Variants in CD80 observed in about 807,000 individuals in gnomAD.
CD80 encodes the protein T-lymphocyte activation antigen CD80.
Under a neutral mutation model 27.1 loss-of-function variants are expected in CD80, and 13 were observed. That is an observed-to-expected ratio of 0.48 (90% CI 0.31 to 0.76). CD80 has a LOEUF of 0.76. Ranked by LOEUF, CD80 falls within the 30% of genes least tolerant of loss-of-function variation. The pLI is 0.04. For missense variants in CD80, 277 were observed against 347.9 expected, an observed-to-expected ratio of 0.80 and a Z score of 1.62; for synonymous variants, 125 against 125.5, an observed-to-expected ratio of 1.00 and a Z score of 0.03.
At chr3:119,535,293 A>G (rs1320364456) in intron 4 of CD80, among the ~76,000 whole-genome samples, 2 of 152,202 alleles carry the variant, frequency 1.3e-5, no homozygotes, top group Admixed American at 6.5e-5. Flanking sequence ...CCACTTCGCA[A>G]CTACAAGTAA....
chr3:119,529,777 G>A (rs991345568), intron 5 of CD80, 65 bp downstream of exon 5: 5 of 1,137,722 alleles, frequency 4.4e-6, no homozygotes, highest in Non-Finnish European at 5.3e-6. Flanking sequence ...GAGAGATGCC[G>A]AACCATGGTA....
At position 119,544,754 on chromosome 3, in the gene CD80, T is replaced by C; in HGVS notation, c.214A>G (p.Met72Val). 6.2e-7 allele frequency: 1 copy of C among 1,614,182 alleles called. No individual in the cohort carries two copies. Among genetic ancestry groups the C allele is most frequent in the South Asian group, 1.1e-5 (1 of 91,082 alleles). ...TCCCCAGACATCATAGTCAGCACCATTTTCTTCTCCTTTTGCCAGTAGATG... is the reference window on the plus strand; with the variant it reads ...TCCCCAGACATCATAGTCAGCACCACTTTCTTCTCCTTTTGCCAGTAGATG... The part of the protein sequence containing the change: ...TRIYWQKEKK[M>V]VLTMMSGDMN... The change falls in exon 3 of 7, where the codon ATG (methionine) becomes GTG (valine). Residue 72 changes from methionine to valine, a missense_variant. Coordinates refer to ENST00000264246, the MANE Select transcript of CD80 (RefSeq NM_005191.4).
intron 3 of CD80, among the ~76,000 whole-genome samples, chr3:119,539,701 A>T (rs2107742993): frequency 6.6e-6 from 1 of 152,234 alleles, no homozygotes; most frequent in Admixed American, 6.5e-5. Flanking sequence ...CTTACACATA[A>T]AGAGATTAGC....
intron 2 of CD80, among the ~76,000 whole-genome samples, chr3:119,546,966 C>T (rs1007226020): frequency 3.9e-5 from 6 of 152,142 alleles, no homozygotes; most frequent in African/African-American, 1.4e-4. Flanking sequence ...ACTTCAGTGG[C>T]GTGGCACAGG....
intron 2 of CD80, among the ~76,000 whole-genome samples, chr3:119,546,042 T>C (rs573725054): frequency 6.6e-6 from 1 of 152,346 alleles, no homozygotes; most frequent in Non-Finnish European, 1.5e-5. Context: ...TTGAAAACAA[T>C]GAAGACAAAT....
intron 2 of CD80, among the ~76,000 whole-genome samples, chr3:119,556,052 C>T (rs960200407): frequency 5.3e-5 from 8 of 152,194 alleles, no homozygotes; most frequent in Non-Finnish European, 7.3e-5. Flanking sequence ...GCTTGTTCTA[C>T]ATGGGTTAGC....
chr3:119,547,905 C>T (rs781715866), intron 2 of CD80, among the ~76,000 whole-genome samples: 1 of 152,158 alleles, frequency 6.6e-6, no homozygotes, highest in Admixed American at 6.6e-5. Context: ...CTTCCAGTGA[C>T]GTTATCTTTC....
At chr3:119,539,999 G>T (rs936620349) in intron 3 of CD80, among the ~76,000 whole-genome samples, 4 of 152,148 alleles carry the variant, frequency 2.6e-5, no homozygotes, top group Admixed American at 2.0e-4. Flanking sequence ...TCACTCTGTT[G>T]CCCAGGCTGG....
chr3:119,527,625 G>A (rs2082074189), intron 6 of CD80, 108 bp downstream of exon 6: 2 of 609,792 alleles, frequency 3.3e-6, no homozygotes, highest in Admixed American at 2.9e-5. Flanking sequence ...ATCTGAAAGA[G>A]GTTTTTAAGA....
At chr3:119,537,934 G>C (rs534820962) in intron 3 of CD80, among the ~76,000 whole-genome samples, 1 of 152,224 alleles carries the variant, frequency 6.6e-6, no homozygotes, top group Non-Finnish European at 1.5e-5. Flanking sequence ...TGCCACTTTT[G>C]ATGGAGATAG....
At position 119,544,667 on chromosome 3, in the gene CD80, T is replaced by C. The variant is rs781001516; in HGVS notation, c.301A>G (p.Ile101Val). 7.4e-6 allele frequency: 12 copies of C among 1,614,138 alleles called. No individual in the cohort carries two copies. Among genetic ancestry groups the C allele is most frequent in the Non-Finnish European group, 9.3e-6 (11 of 1,179,976 alleles). The change falls in exon 3 of 7, where the codon ATT (isoleucine) becomes GTT (valine). Residue 101 changes from isoleucine (I) to valine (V), a missense_variant. Physicochemically the swap from Ile to Val is conservative, Grantham distance 29 (BLOSUM62 3). Transcript: ENST00000264246. Reference sequence around the variant, plus strand: ...GATGGGCGCAGAGCCAGGATCACAATGGAGAGGTTATTAGTGATATCAAAG... The same window carrying C: ...GATGGGCGCAGAGCCAGGATCACAACGGAGAGGTTATTAGTGATATCAAAG... ...TIFDITNNLS[I>V]VILALRPSDE...
intron 4 of CD80, among the ~76,000 whole-genome samples, chr3:119,534,836 CA>C (rs1252356451): frequency 1.3e-5 from 2 of 152,056 alleles, no homozygotes; most frequent in Non-Finnish European, 2.9e-5. Flanking sequence ...ATAGTCATGT[CA>C]AAGTTTGGTT....
intron 2 of CD80, among the ~76,000 whole-genome samples, chr3:119,549,667 G>C (rs532700302): frequency 2.6e-5 from 4 of 152,320 alleles, no homozygotes; most frequent in Non-Finnish European, 1.5e-5. Flanking sequence ...CCACAGCACT[G>C]AACAAGAGAG....
chr3:119,554,291 C>T (rs1317093419), intron 2 of CD80, among the ~76,000 whole-genome samples: 1 of 152,146 alleles, frequency 6.6e-6, no homozygotes, highest in Non-Finnish European at 1.5e-5. Flanking sequence ...ATTCTCTTTT[C>T]TCCTAGCTCT....
At chr3:119,544,278 G>T in intron 3 of CD80, 1 of 451,224 alleles carries the variant, frequency 2.2e-6, no homozygotes, top group Non-Finnish European at 4.0e-6. Flanking sequence ...GATGCCCCTT[G>T]GTGATTGAGA....
intron 4 of CD80, among the ~76,000 whole-genome samples, chr3:119,532,921 A>G (rs186419430): frequency 6.6e-6 from 1 of 152,316 alleles, no homozygotes; most frequent in East Asian, 1.9e-4. Flanking sequence ...TAGTGTACCT[A>G]CCACTTAAAG....
chr3:119,539,832 C>T (rs972645376), intron 3 of CD80, among the ~76,000 whole-genome samples: 2 of 152,204 alleles, frequency 1.3e-5, no homozygotes, highest in African/African-American at 4.8e-5. Context: ...AAAACCAGTT[C>T]TGCCTTGTGA....
At chr3:119,551,452 C>A (rs1238534677) in intron 2 of CD80, among the ~76,000 whole-genome samples, 1 of 152,102 alleles carries the variant, frequency 6.6e-6, no homozygotes, top group East Asian at 1.9e-4. Flanking sequence ...TTCACTACAG[C>A]AGGAGTGGCT....
In CD80 at chr3:119,557,717, T is replaced by C; in HGVS notation, c.12A>G (p.Thr4=). The C allele has an allele frequency of 6.2e-7, 1 of 1,612,418 alleles. No homozygotes were observed. Among genetic ancestry groups the C allele is most frequent in the East Asian group, 2.2e-5 (1 of 44,816 alleles). The change falls in exon 2 of 7, where the codon ACA becomes ACG. Residue 4 remains threonine, a synonymous_variant. Coordinates refer to ENST00000264246, the MANE Select transcript of CD80 (RefSeq NM_005191.4). ...TGGATGGTGATGTTCCCTGCCTCCG[T>C]GTGTGGCCCATGGCTTCAGATGCTT... MGH[T]RRQGTSPSKC...
Sources: gnomAD v4.1 joint callset for allele counts (sites outside exome capture counted in the v4.1 genomes callset) on GRCh38, gnomAD v4.1.1 for gene constraint, MANE v1.5 for transcripts, NCBI Gene and HGNC (gene_info 2026-07-23, HGNC 2026-07-21) for gene names.